The following ACAN variants were observed in gnomAD, a reference collection of about 807,000 sequenced individuals.
ACAN encodes aggrecan core protein.
A neutral mutation model predicts 169.1 loss-of-function variants in ACAN; 47 were observed. The ratio of observed to expected loss-of-function variants is 0.28; its 90% CI spans 0.22 to 0.35. The LOEUF (loss-of-function observed/expected upper bound fraction) is 0.35. Among genes scored for constraint, ACAN ranks in the 10% least tolerant of loss-of-function variants. ACAN has a pLI of 1.00. For missense variants in ACAN, 2,716 were observed against 2,759.9 expected, an observed-to-expected ratio of 0.98 and a Z score of 0.36; for synonymous variants, 1,115 against 1,112.2, an observed-to-expected ratio of 1.00 and a Z score of -0.05.
At chr15:88,810,773 G>T (rs1469028977) in intron 1 of ACAN, among the ~76,000 whole-genome samples, 2 of 152,200 alleles carry the variant, frequency 1.3e-5, no homozygotes, top group African/African-American at 4.8e-5. Flanking sequence ...TGTGCTCCAA[G>T]AGATTCTGCT....
intron 5 of ACAN, 72 bp downstream of exon 5, chr15:88,841,939 C>A (rs757466114): frequency 8.2e-6 from 13 of 1,589,246 alleles, no homozygotes; most frequent in Admixed American, 5.0e-5. Context: ...CATCTCCCCA[C>A]TGACACCTGA....
At position 88,814,706 on chromosome 15, in the gene ACAN, C is replaced by A. The variant is rs73467846; in HGVS notation, c.-8+10897C>A. On this transcript the variant is annotated intron_variant, in intron 1 of 18. Transcript: ENST00000560601. The surrounding 1 kb of genome is among the most constrained non-coding windows in gnomAD (Gnocchi z 4.0). ...TTGATTGTACCCGACTCCTTCAACC[C>A]TTCTCTGGGACTGCGCTGCAGATGT... Among the ~76,000 whole-genome samples the A allele has an allele frequency of 1.3e-5, 2 of 152,212 alleles. No homozygotes were observed. Among genetic ancestry groups the A allele is most frequent in the Admixed American group, 6.5e-5 (1 of 15,280 alleles).
chr15:88,805,848 CT>C (rs1895666160), intron 1 of ACAN, among the ~76,000 whole-genome samples: 1 of 152,148 alleles, frequency 6.6e-6, no homozygotes, highest in South Asian at 2.1e-4. Flanking sequence ...CCAGGCACAC[CT>C]CTTGCCCCTG....
At chr15:88,808,365 C>A (rs1182410780) in intron 1 of ACAN, among the ~76,000 whole-genome samples, 1 of 152,238 alleles carries the variant, frequency 6.6e-6, no homozygotes, top group East Asian at 1.9e-4. Context: ...TCCCAGAGAT[C>A]ATTCATTCAT....
chr15:88,837,128 CT>C (rs1451755544), intron 2 of ACAN, among the ~76,000 whole-genome samples: 2 of 152,228 alleles, frequency 1.3e-5, no homozygotes, highest in Admixed American at 1.3e-4. Context: ...CACCATACCC[CT>C]GGTGGGAGCC....
chr15:88,820,299 G>A (rs1407550311), intron 1 of ACAN, among the ~76,000 whole-genome samples: 2 of 152,146 alleles, frequency 1.3e-5, no homozygotes, highest in Non-Finnish European at 2.9e-5. Flanking sequence ...TGTGATCGAG[G>A]ACGGCAAACT....
In ACAN at chr15:88,839,992, G is replaced by A; in HGVS notation, c.455-20G>A. 3 of 1,586,808 alleles carry A rather than the reference G, an allele frequency of 1.9e-6. No homozygotes were observed. The highest frequency in any genetic ancestry group is 2.6e-6 in the Non-Finnish European group (3 of 1,165,322). The stretch of plus-strand genomic sequence containing the variant: ...TGCCTGACCAGCTCTTCCGCTTGTG[G>A]GCGTGTATGTGTCTTGCAGGCATCG... On this transcript the variant is annotated intron_variant, in intron 3 of 18. Coordinates refer to ENST00000560601, the MANE Select transcript of ACAN (RefSeq NM_001369268.1). The surrounding 1 kb of genome is among the most constrained non-coding windows in gnomAD (Gnocchi z 4.5).
intron 6 of ACAN, among the ~76,000 whole-genome samples, chr15:88,845,238 C>T (rs555345491): frequency 6.6e-6 from 1 of 152,348 alleles, no homozygotes; most frequent in Non-Finnish European, 1.5e-5. Context: ...GGGAACTGAT[C>T]TTTATGAGCC....
chr15:88,847,462 CAGGCTTAAGG>C, intron 8 of ACAN, 45 bp downstream of exon 8: 1 of 1,503,648 alleles, frequency 6.7e-7, no homozygotes. Flanking sequence ...TTGAAGAGGT[CAGGCTTAAGG>C]AGCCACAGCC....
At chr15:88,817,849 G>GAAAAAAAAAAAAAAAAAAAAA (rs10710630) in intron 1 of ACAN, among the ~76,000 whole-genome samples, 1 of 73,406 alleles carries the variant, frequency 1.4e-5, no homozygotes, top group Non-Finnish European at 2.6e-5. Flanking sequence ...GTGAGACTCT[G>GAAAAAAAAAAAAAAAAAAAAA]AAAAAAAAAA....
chr15:88,847,999 G>A lies in ACAN; in HGVS notation c.1693G>A (p.Glu565Lys), dbSNP rs1382905147. ...VRTYGVRPST[E>K]TYDVYCFVDR... ...GACCTATGGCGTGCGCCCATCAACA[G>A]AGACCTACGATGTCTACTGCTTTGT... The change falls in exon 9 of 19, where the codon GAG becomes AAG. Residue 565 changes from glutamate (E) to lysine (K), a missense_variant. Physicochemically the swap from Glu to Lys is moderately conservative, Grantham distance 56. Transcript: ENST00000560601. 1.9e-6 allele frequency: 3 copies of A among 1,613,990 alleles called. No individual in the cohort carries two copies. Among genetic ancestry groups the A allele is most frequent in the Admixed American group, 1.7e-5 (1 of 60,024 alleles).
At chr15:88,836,112 T>G (rs760566678) in intron 1 of ACAN, 88 bp from the exon 2 acceptor site, 21 of 908,548 alleles carry the variant, frequency 2.3e-5, no homozygotes, top group Non-Finnish European at 3.2e-5. Context: ...GGTGTGGAAT[T>G]ATCACTTTGC....
intron 1 of ACAN, among the ~76,000 whole-genome samples, chr15:88,804,083 CT>C (rs1895613473): frequency 6.6e-6 from 1 of 152,190 alleles, no homozygotes; most frequent in Non-Finnish European, 1.5e-5. Flanking sequence ...ACAAGGGAGC[CT>C]TTTCTCCAAA....
In ACAN at chr15:88,837,273, C is replaced by T. The variant is rs139919722; in HGVS notation, c.70+997C>T. On this transcript the variant is annotated intron_variant, in intron 2 of 18. Transcript: ENST00000560601. ...TGCAGTCAGTGTGGGAAAAAGAAGG[C>T]GGCCCAGCTCCCCATGCTCCCACCC... Among the ~76,000 whole-genome samples, 1,167 of 152,268 alleles carry T rather than the reference C, an allele frequency of 7.7e-3. 9 individuals carry two copies. The highest frequency in any genetic ancestry group is 0.012 in the Non-Finnish European group (823 of 67,992).
intron 12 of ACAN, among the ~76,000 whole-genome samples, 181 bp from the exon 13 acceptor site, chr15:88,860,145 G>C (rs1316992390): frequency 2.9e-5 from 4 of 139,038 alleles, no homozygotes; most frequent in African/African-American, 1.2e-4. Context: ...TTCACAGCTA[G>C]AGAGCTCCCC....
Position 88,861,139 on chromosome 15 carries a change from G to A in ACAN, c.6946+700G>A, listed in dbSNP as rs148509064. On this transcript the variant is annotated intron_variant, in intron 13 of 18. Coordinates refer to ENST00000560601, the MANE Select transcript of ACAN (RefSeq NM_001369268.1). The surrounding 1 kb of genome is among the most constrained non-coding windows in gnomAD (Gnocchi z 6.3). ...TGTTCCACGGACACACGGGAGGCCC[G>A]TGGTCATGAGGACATCTCATCTCAT... Among the ~76,000 whole-genome samples the A allele has an allele frequency of 3.7e-3, 570 of 152,268 alleles. 4 individuals are homozygous for A. Among genetic ancestry groups the A allele is most frequent in the African/African-American group, 0.013 (547 of 41,546 alleles).
chr15:88,866,146 C>T lies in ACAN; in HGVS notation c.6947-2070C>T, dbSNP rs577819218. Reference sequence around the variant, plus strand: ...GGGCAGCCTGGGAGCAGGTTTTATGCGACCAGCCTCTGAGACAACTGGATA... The same window carrying T: ...GGGCAGCCTGGGAGCAGGTTTTATGTGACCAGCCTCTGAGACAACTGGATA... On this transcript the variant is annotated intron_variant, in intron 13 of 18. Coordinates refer to ENST00000560601, the MANE Select transcript of ACAN (RefSeq NM_001369268.1). This position sits in a 1 kb window ranked among gnomAD's most constrained non-coding sequence, Gnocchi z 5.6. Among the ~76,000 whole-genome samples the T allele has an allele frequency of 1.5e-3, 229 of 152,280 alleles. 3 individuals are homozygous for T. The South Asian group carries it at 0.045, about 30-fold the overall frequency.
chr15:88,869,445 G>A lies in ACAN; in HGVS notation c.7060+1116G>A, dbSNP rs1897333441. 6.6e-6 allele frequency among the ~76,000 whole-genome samples: 1 copy of A among 152,018 alleles called. No individual in the cohort carries two copies. Among genetic ancestry groups the A allele is most frequent in the Non-Finnish European group, 1.5e-5 (1 of 67,996 alleles). On this transcript the variant is annotated intron_variant, in intron 14 of 18. Coordinates refer to ENST00000560601, the MANE Select transcript of ACAN (RefSeq NM_001369268.1). The surrounding 1 kb of genome is among the most constrained non-coding windows in gnomAD (Gnocchi z 4.2). ...AAGACTTTTGGGAAAAAAAAGGCCT[G>A]GACACTCCTACTCCCTTGCAGCCTC...
intron 1 of ACAN, among the ~76,000 whole-genome samples, chr15:88,827,392 C>T (rs12903455): frequency 0.71 from 107,366 of 152,180 alleles, 38,121 homozygotes; most frequent in Middle Eastern, 0.8. Context: ...TGACCATTCA[C>T]TTACAGCATC....
Sources: gnomAD v4.1 joint callset for allele counts (sites outside exome capture counted in the v4.1 genomes callset) on GRCh38, gnomAD v4.1.1 for gene constraint, Gnocchi (gnomAD v3.1) non-coding constraint, MANE v1.5 for transcripts, NCBI Gene and HGNC (gene_info 2026-07-23, HGNC 2026-07-21) for gene names.